PIK3CD: variants seen among roughly 807,000 people sequenced by gnomAD.
PIK3CD encodes phosphatidylinositol 4,5-bisphosphate 3-kinase catalytic subunit delta isoform.
In PIK3CD, 20 loss-of-function variants were observed where a neutral mutation model predicts 122.9. That is an observed-to-expected ratio of 0.16 (90% CI 0.11 to 0.24). PIK3CD has a LOEUF of 0.24. PIK3CD is among the 10% of genes least tolerant of loss of function. The probability of loss-of-function intolerance (pLI) is 1.00; values close to 1 mark genes in which losing one functional copy is unlikely to be tolerated. For missense variants in PIK3CD, 787 were observed against 1,406.3 expected (o/e 0.56, Z 7.04); for synonymous variants, 596 against 593.4 (o/e 1.00, Z -0.06).
chr1:9,703,731 A>C (rs1036804819), intron 2 of PIK3CD, among the ~76,000 whole-genome samples: 1 of 152,224 alleles, frequency 6.6e-6, no homozygotes, highest in Non-Finnish European at 1.5e-5. Context: ...CAGAAAGAGT[A>C]TCACACATTA....
chr1:9,655,990 C>T (rs1259762432), intron 1 of PIK3CD, among the ~76,000 whole-genome samples: 2 of 152,194 alleles, frequency 1.3e-5, no homozygotes, highest in East Asian at 1.9e-4. Flanking sequence ...AGCCACCATG[C>T]GCGGCCTTCC....
At chr1:9,636,324 G>T in the PIK3CD span, among the ~76,000 whole-genome samples, 1 of 152,180 alleles carries the variant, frequency 6.6e-6, no homozygotes, top group Non-Finnish European at 1.5e-5. Flanking sequence ...CTCCCCAGTA[G>T]CTGGGATTAC....
intron 3 of PIK3CD, among the ~76,000 whole-genome samples, chr1:9,712,041 C>T (rs1432819067): frequency 2.0e-5 from 3 of 151,898 alleles, no homozygotes; most frequent in African/African-American, 4.8e-5. Context: ...GGACTACAGG[C>T]GCCCACCACC....
At chr1:9,638,218 G>T in the PIK3CD span, among the ~76,000 whole-genome samples, 1 of 152,044 alleles carries the variant, frequency 6.6e-6, no homozygotes, top group Non-Finnish European at 1.5e-5. Flanking sequence ...CCTAAAGATG[G>T]GTCTAGGAAA....
At chr1:9,688,886 C>CGG (rs921567955) in intron 1 of PIK3CD, among the ~76,000 whole-genome samples, 1 of 152,026 alleles carries the variant, frequency 6.6e-6, no homozygotes, top group Non-Finnish European at 1.5e-5. Flanking sequence ...AGGATTGTCT[C>CGG]GGTGTTGTTA....
In PIK3CD at chr1:9,689,051, G is replaced by A. The variant is rs1346403581; in HGVS notation, c.-137-2416G>A. 6.6e-6 allele frequency among the ~76,000 whole-genome samples: 1 copy of A among 152,220 alleles called. No individual in the cohort carries two copies. Among genetic ancestry groups the A allele is most frequent in the Non-Finnish European group, 1.5e-5 (1 of 68,038 alleles). ...CAGGCTGGATTTGAGCCCAGAGCCC[G>A]GGCTGGCCAATTACTCGAGTGAGTC... On this transcript the variant is annotated intron_variant, in intron 1 of 23. Transcript: ENST00000377346. The surrounding 1 kb of genome is among the most constrained non-coding windows in gnomAD (Gnocchi z 6.1).
the PIK3CD span, among the ~76,000 whole-genome samples, chr1:9,642,911 C>T: frequency 6.7e-6 from 1 of 150,086 alleles, no homozygotes; most frequent in African/African-American, 2.5e-5. Flanking sequence ...GGCAACATAG[C>T]GAGACCTCGT....
At position 9,719,099 on chromosome 1, in the gene PIK3CD, TCTGGGCTC is replaced by T. The variant is rs1235618656; in HGVS notation, c.1242+196_1242+203del. Reference sequence around the variant, plus strand: ...GCCACCAGCCCTGCTCGAGGGACACTCTGGGCTCCTGGGCTCCTGTGCATGCGGCCTCA... The same window carrying T: ...GCCACCAGCCCTGCTCGAGGGACACTCTGGGCTCCTGTGCATGCGGCCTCA... On this transcript the variant is annotated intron_variant, in intron 9 of 23. Transcript: ENST00000377346. The surrounding 1 kb of genome is among the most constrained non-coding windows in gnomAD (Gnocchi z 5.5). 1.3e-5 allele frequency among the ~76,000 whole-genome samples: 2 copies of T among 152,336 alleles called. No homozygotes were observed. The highest frequency in any genetic ancestry group is 6.5e-5 in the Admixed American group (1 of 15,308).
In PIK3CD at chr1:9,710,163, G is replaced by A. The variant is rs1454492434; in HGVS notation, c.-32-261G>A. ...TGTTCCTGAGGAAAGATGATTTGCT[G>A]TGCGTGCTCCTGTGGGGAGGACATG... On this transcript the variant is annotated intron_variant, in intron 2 of 23. Coordinates refer to ENST00000377346, the MANE Select transcript of PIK3CD (RefSeq NM_005026.5). The surrounding 1 kb of genome is among the most constrained non-coding windows in gnomAD (Gnocchi z 4.7). The A allele has an allele frequency of 6.5e-6, 3 of 459,200 alleles. No individual in the cohort carries two copies. Among genetic ancestry groups the A allele is most frequent in the Non-Finnish European group, 1.2e-5 (3 of 247,408 alleles). The allele number at this position is 459,200 out of a possible 1,614,324, so 28.4% of individuals were successfully genotyped here. A position where few individuals can be genotyped will look rare whatever the true frequency, so the allele number is the denominator to read the frequency against.
chr1:9,724,271 C>G lies in PIK3CD; in HGVS notation c.2719-5C>G. On this transcript the variant is annotated splice_region_variant and splice_polypyrimidine_tract_variant and intron_variant, in intron 21 of 23. Transcript: ENST00000377346. This position sits in a 1 kb window ranked among gnomAD's most constrained non-coding sequence, Gnocchi z 7.3. ...AATCCTCCCCCTCCTCTCCCCTCCC[C>G]TCAGCTGTTCCACATTGATTTTGGC... The G allele has an allele frequency of 6.2e-7, 1 of 1,614,170 alleles. No homozygotes were observed. The highest frequency in any genetic ancestry group is 8.5e-7 in the Non-Finnish European group (1 of 1,180,040).
intron 1 of PIK3CD, among the ~76,000 whole-genome samples, chr1:9,676,708 C>T (rs771433535): frequency 1.3e-5 from 2 of 152,216 alleles, no homozygotes; most frequent in Non-Finnish European, 2.9e-5. Context: ...CCTTCCCCGT[C>T]ACCTCCTTGA....
At chr1:9,694,231 T>C (rs1383582518) in intron 2 of PIK3CD, among the ~76,000 whole-genome samples, 3 of 152,144 alleles carry the variant, frequency 2.0e-5, no homozygotes, top group African/African-American at 7.2e-5. Flanking sequence ...AGGGGGACCT[T>C]GTTGAAAAGC....
the PIK3CD span, among the ~76,000 whole-genome samples, chr1:9,630,134 C>T: frequency 6.6e-6 from 1 of 152,210 alleles, no homozygotes; most frequent in African/African-American, 2.4e-5. Context: ...GCATTTTTCC[C>T]TAGGCTTGAG....
At chr1:9,645,724 G>A in the PIK3CD span, among the ~76,000 whole-genome samples, 1 of 150,908 alleles carries the variant, frequency 6.6e-6, no homozygotes, top group Non-Finnish European at 1.5e-5. Context: ...TCCTGCCTCA[G>A]CCTCCTGAGT....
intron 2 of PIK3CD, among the ~76,000 whole-genome samples, chr1:9,701,024 G>C (rs1037494438): frequency 9.2e-5 from 14 of 151,876 alleles, no homozygotes; most frequent in Non-Finnish European, 1.8e-4. Flanking sequence ...CTGCTTCTCC[G>C]CAGTCCTTCC....
chr1:9,645,472 T>A, the PIK3CD span, among the ~76,000 whole-genome samples: 29 of 152,098 alleles, frequency 1.9e-4, no homozygotes, highest in Admixed American at 1.0e-3. Context: ...TTATTTATTT[T>A]TTTGAGATGA....
chr1:9,696,738 AG>A (rs1424451495), intron 2 of PIK3CD, among the ~76,000 whole-genome samples: 1 of 151,310 alleles, frequency 6.6e-6, no homozygotes, highest in East Asian at 1.9e-4. Context: ...AAAAAAAAAA[AG>A]AGAGAAGAAA....
chr1:9,722,598 G>A lies in PIK3CD; in HGVS notation c.2418G>A (p.Leu806=). Residue 806 remains leucine, a synonymous_variant, in exon 19 of 24, where the codon CTG becomes CTA. Transcript: ENST00000377346. This position sits in a 1 kb window ranked among gnomAD's most constrained non-coding sequence, Gnocchi z 7.6. ...LMDVLWKQEG[L]DLRMTPYGCL... ...ACGTCCTGTGGAAGCAGGAGGGGCT[G>A]GACCTGAGGTGAGGACCCCCACCCC... The A allele has an allele frequency of 6.2e-7, 1 of 1,613,432 alleles. No homozygotes were observed. Among genetic ancestry groups the A allele is most frequent in the Non-Finnish European group, 8.5e-7 (1 of 1,179,666 alleles).
intron 1 of PIK3CD, among the ~76,000 whole-genome samples, chr1:9,676,169 A>G (rs190061586): frequency 0.011 from 1,657 of 152,018 alleles, 21 homozygotes; most frequent in African/African-American, 0.038. Context: ...TGACCTCGTG[A>G]TCCACCTGCC....
Sources: gnomAD v4.1 joint callset for allele counts (sites outside exome capture counted in the v4.1 genomes callset) on GRCh38, gnomAD v4.1.1 for gene constraint, Gnocchi (gnomAD v3.1) non-coding constraint, MANE v1.5 for transcripts, NCBI Gene and HGNC (gene_info 2026-07-23, HGNC 2026-07-21) for gene names.